KDM4C: variants seen among roughly 807,000 people sequenced by gnomAD.
The protein encoded by KDM4C is lysine demethylase 4C.
KDM4C carries 81 observed loss-of-function variants against 129.3 expected under a neutral mutation model. That is an observed-to-expected ratio of 0.63 (90% confidence interval 0.52 to 0.75). The LOEUF is 0.75. Ranked by LOEUF, KDM4C falls within the 30% of genes least tolerant of loss-of-function variation. KDM4C has a pLI of 0.00. For synonymous variants in KDM4C, 573 were observed against 456.1 expected (o/e 1.26, Z -3.26); for missense variants, 1,457 against 1,304.0 (o/e 1.12, Z -1.81).
chr9:6,959,287 T>C (rs1278468586), intron 8 of KDM4C, among the ~76,000 whole-genome samples: 1 of 152,166 alleles, frequency 6.6e-6, no homozygotes, highest in Non-Finnish European at 1.5e-5. Flanking sequence ...TATTTGACCA[T>C]AGTTAGAGGA....
chr9:6,859,496 A>T lies in KDM4C; in HGVS notation c.629+9796A>T, dbSNP rs1268188006. 2.0e-5 allele frequency among the ~76,000 whole-genome samples: 3 copies of T among 148,080 alleles called. No individual in the cohort carries two copies. The Middle Eastern group carries it at 0.01, about 514-fold the overall frequency. On this transcript the variant is annotated intron_variant, in intron 5 of 21. Transcript: ENST00000381309. The stretch of plus-strand genomic sequence containing the variant: ...CTCAAAAAAAAAAAAAAAAAAAAAA[A>T]AGAAATCGTCTCTGGTAACACAGAC...
chr9:7,014,604 A>G (rs1484906346), intron 14 of KDM4C, among the ~76,000 whole-genome samples: 1 of 152,152 alleles, frequency 6.6e-6, no homozygotes, highest in Non-Finnish European at 1.5e-5. Context: ...TGAACTATGT[A>G]AAAGGGATCT....
At chr9:6,899,254 A>G (rs1367997564) in intron 8 of KDM4C, among the ~76,000 whole-genome samples, 2 of 152,074 alleles carry the variant, frequency 1.3e-5, no homozygotes, top group Non-Finnish European at 2.9e-5. Flanking sequence ...CCACATGTGC[A>G]TAGCCCCCCA....
intron 4 of KDM4C, among the ~76,000 whole-genome samples, chr9:6,817,788 A>G (rs573694309): frequency 4.2e-5 from 5 of 118,728 alleles, no homozygotes; most frequent in African/African-American, 1.8e-4. Context: ...TTTTTTTGAG[A>G]CAGAGTCTCA....
At chr9:6,965,263 A>G (rs375315186) in intron 8 of KDM4C, among the ~76,000 whole-genome samples, 19 of 151,762 alleles carry the variant, frequency 1.3e-4, no homozygotes, top group South Asian at 1.2e-3. Context: ...CTAAAACCAC[A>G]TATCAATTTT....
At chr9:6,757,423 T>G (rs1283009657), upstream of KDM4C, among the ~76,000 whole-genome samples, 1 of 152,166 alleles carries the variant, frequency 6.6e-6, no homozygotes, top group Non-Finnish European at 1.5e-5. Flanking sequence ...GCGCGGTAGT[T>G]GTTAAAGGGT....
At chr9:6,957,147 T>C (rs746780199) in intron 8 of KDM4C, among the ~76,000 whole-genome samples, 1 of 152,214 alleles carries the variant, frequency 6.6e-6, no homozygotes, top group Non-Finnish European at 1.5e-5. Context: ...ATAATGACTC[T>C]GGCATAAGCT....
At chr9:6,801,662 T>C (rs1280199997) in intron 2 of KDM4C, among the ~76,000 whole-genome samples, 1 of 152,100 alleles carries the variant, frequency 6.6e-6, no homozygotes, top group Admixed American at 6.6e-5. Context: ...TCTCTCTCTG[T>C]ATATGCCTCC....
At chr9:6,824,159 G>T (rs1198222669) in intron 4 of KDM4C, among the ~76,000 whole-genome samples, 1 of 152,144 alleles carries the variant, frequency 6.6e-6, no homozygotes, top group African/African-American at 2.4e-5. Flanking sequence ...GCAAATAGTT[G>T]GAAAATGATA....
intron 8 of KDM4C, among the ~76,000 whole-genome samples, chr9:6,949,877 T>G (rs1041135806): frequency 1.1e-4 from 17 of 152,116 alleles, no homozygotes; most frequent in South Asian, 1.0e-3. Flanking sequence ...CCATTTTTTT[T>G]GTTAATGAAG....
chr9:6,783,002 G>C (rs1824696570), intron 1 of KDM4C, among the ~76,000 whole-genome samples: 1 of 152,190 alleles, frequency 6.6e-6, no homozygotes, highest in African/African-American at 2.4e-5. Flanking sequence ...TGGAGAGTAA[G>C]AGAGGGTAGG....
chr9:7,002,906 G>T (rs1820988516), intron 12 of KDM4C, among the ~76,000 whole-genome samples: 1 of 152,172 alleles, frequency 6.6e-6, no homozygotes, highest in African/African-American at 2.4e-5. Flanking sequence ...TGTCTGCCAG[G>T]CTGGAGTGCG....
chr9:7,145,106 C>G (rs966166921), intron 19 of KDM4C, among the ~76,000 whole-genome samples: 5 of 152,256 alleles, frequency 3.3e-5, no homozygotes, highest in African/African-American at 9.6e-5. Flanking sequence ...CAGGCCTCCT[C>G]CTCGGGTGTT....
rs781382031 is a variant in KDM4C, at chr9:7,013,875, A to C, written c.2056A>C (p.Ile686Leu). 6.2e-7 allele frequency: 1 copy of C among 1,614,020 alleles called. No individual in the cohort carries two copies. Among genetic ancestry groups the C allele is most frequent in the East Asian group, 2.2e-5 (1 of 44,872 alleles). The change falls in exon 14 of 22, where the codon ATA becomes CTA. Residue 686 changes from isoleucine (I) to leucine (L), a missense_variant. Physicochemically the swap from Ile to Leu is conservative, Grantham distance 5 (BLOSUM62 2). Transcript: ENST00000381309. ...VTSEGKTKPL[I>L]PEMCFIYSEE... ...ATCGGAGGGAAAGACTAAGCCCCTC[A>C]TACCAGAGATGTGTTTTATTTATAG...
chr9:7,161,133 G>A (rs887784840), intron 19 of KDM4C, among the ~76,000 whole-genome samples: 6 of 152,216 alleles, frequency 3.9e-5, no homozygotes, highest in East Asian at 1.9e-4. Context: ...GGGACCCACC[G>A]AGCCAGGCAC....
At chr9:7,102,002 T>A (rs910377909) in intron 17 of KDM4C, among the ~76,000 whole-genome samples, 4 of 152,154 alleles carry the variant, frequency 2.6e-5, no homozygotes, top group African/African-American at 7.2e-5. Flanking sequence ...GTAATGAAAC[T>A]GATAGCATGG....
chr9:6,735,029 AGTTTCTCAT>A, intron 1 of KDM4C: 1 of 499,328 alleles, frequency 2.0e-6, no homozygotes, highest in South Asian at 1.6e-5. Flanking sequence ...CTATTGTAAG[AGTTTCTCAT>A]GGGTGGTCAA....
intron 8 of KDM4C, among the ~76,000 whole-genome samples, chr9:6,899,569 GTT>G (rs1563780743): frequency 6.6e-6 from 1 of 151,828 alleles, no homozygotes; most frequent in East Asian, 1.9e-4. Flanking sequence ...GTGTGTGTGT[GTT>G]TAACTTGCTA....
intron 18 of KDM4C, among the ~76,000 whole-genome samples, chr9:7,115,786 G>A (rs1332006994): frequency 6.6e-6 from 1 of 152,210 alleles, no homozygotes; most frequent in Non-Finnish European, 1.5e-5. Flanking sequence ...GAAGCCTCTT[G>A]GCAGGAAGCC....
Sources: allele counts gnomAD v4.1 joint callset (sites outside exome capture counted in the v4.1 genomes callset), GRCh38; gene constraint gnomAD v4.1.1; transcripts MANE v1.5; gene names NCBI Gene and HGNC (gene_info 2026-07-23, HGNC 2026-07-21).